Variants in ADGRL2 observed in about 807,000 individuals in gnomAD.
ADGRL2 encodes the protein adhesion G protein-coupled receptor L2.
In ADGRL2, 44 loss-of-function variants were observed where a neutral mutation model predicts 157.4. The observed-to-expected ratio is 0.28, with a 90% CI of 0.22 to 0.36. The LOEUF (loss-of-function observed/expected upper bound fraction) is 0.36, where lower values mean the gene tolerates loss of function less well. Among genes scored for constraint, ADGRL2 ranks in the 10% least tolerant of loss-of-function variants. The pLI is 1.00. For missense variants in ADGRL2, 1,510 were observed against 1,768.9 expected (o/e 0.85, Z 2.63); for synonymous variants, 585 against 624.7 (o/e 0.94, Z 0.95).
chr1:81,601,715 C>T (rs186241564), intron 3 of ADGRL2, among the ~76,000 whole-genome samples: 5 of 152,284 alleles, frequency 3.3e-5, no homozygotes, highest in East Asian at 1.9e-4. Flanking sequence ...CAGTTAATAA[C>T]GTCCTCCACA....
rs555401644 is a variant in ADGRL2, at chr1:81,854,493, G to T, written c.73+17436G>T. On this transcript the variant is annotated intron_variant, in intron 2 of 23. Transcript: ENST00000686636. ...AACCTGTACAAGTTATTTAACTTGG[G>T]TTTTCTTGCTTATTATAAAATTGGG... Among the ~76,000 whole-genome samples the T allele has an allele frequency of 1.6e-3, 248 of 152,176 alleles. 1 individual carries two copies. The highest frequency in any genetic ancestry group is 5.5e-3 in the African/African-American group (227 of 41,534).
chr1:81,729,644 C>A (rs1570986006), intron 1 of ADGRL2, among the ~76,000 whole-genome samples: 1 of 152,196 alleles, frequency 6.6e-6, no homozygotes, highest in East Asian at 1.9e-4. Context: ...CAATTCAAGT[C>A]TATTATGGAA....
intron 2 of ADGRL2, among the ~76,000 whole-genome samples, chr1:81,482,542 G>A (rs917758283): frequency 9.2e-5 from 14 of 152,118 alleles, no homozygotes; most frequent in Non-Finnish European, 2.1e-4. Flanking sequence ...AATTAGTGAT[G>A]TATACTAATT....
chr1:81,813,789 T>C (rs1270798643), intron 1 of ADGRL2, among the ~76,000 whole-genome samples: 2 of 151,672 alleles, frequency 1.3e-5, no homozygotes, highest in Non-Finnish European at 3.0e-5. Flanking sequence ...GATCTGATGT[T>C]ATAGTTCATT....
chr1:81,375,410 C>A (rs1356193876), intron 1 of ADGRL2, among the ~76,000 whole-genome samples: 3 of 152,110 alleles, frequency 2.0e-5, no homozygotes, highest in Admixed American at 2.0e-4. Context: ...CAAACAGCAG[C>A]AAGATGGATC....
intron 16 of ADGRL2, 65 bp downstream of exon 16, chr1:81,970,599 CAGTG>C: frequency 5.2e-6 from 6 of 1,164,992 alleles, no homozygotes; most frequent in Non-Finnish European, 7.6e-6. Flanking sequence ...TGTTAGCTGT[CAGTG>C]AGGGTCCCTG....
At chr1:81,839,788 CAT>C (rs1221047557) in intron 2 of ADGRL2, among the ~76,000 whole-genome samples, 28 of 142,318 alleles carry the variant, frequency 2.0e-4, no homozygotes, top group East Asian at 1.6e-3. Flanking sequence ...TATTTTCCAT[CAT>C]ATATATATAT....
chr1:81,447,775 T>C (rs969841427), intron 2 of ADGRL2, among the ~76,000 whole-genome samples: 1 of 152,174 alleles, frequency 6.6e-6, no homozygotes, highest in Non-Finnish European at 1.5e-5. Flanking sequence ...ATGCCTCTCA[T>C]ATGGTTTGTA....
intron 1 of ADGRL2, among the ~76,000 whole-genome samples, chr1:81,708,846 G>A (rs935392297): frequency 6.6e-5 from 10 of 151,932 alleles, no homozygotes; most frequent in African/African-American, 1.9e-4. Flanking sequence ...AAACTCTAAA[G>A]TTCTTAGGGA....
intron 3 of ADGRL2, among the ~76,000 whole-genome samples, chr1:81,623,158 G>A (rs1439080951): frequency 6.6e-6 from 1 of 152,174 alleles, no homozygotes; most frequent in Non-Finnish European, 1.5e-5. Flanking sequence ...CATACTTTGA[G>A]TAGGAAGAGA....
At chr1:81,343,061 T>C (rs1336020893) in intron 1 of ADGRL2, among the ~76,000 whole-genome samples, 1 of 150,540 alleles carries the variant, frequency 6.6e-6, no homozygotes, top group African/African-American at 2.4e-5. Flanking sequence ...ATCTTTCTCT[T>C]TTTTTCTTTT....
chr1:81,575,894 C>T (rs548082476), intron 2 of ADGRL2, among the ~76,000 whole-genome samples: 1 of 152,074 alleles, frequency 6.6e-6, no homozygotes, highest in Non-Finnish European at 1.5e-5. Context: ...TTATACTACA[C>T]AGAATAGCAT....
At chr1:81,617,630 C>T (rs1046080328) in intron 3 of ADGRL2, among the ~76,000 whole-genome samples, 6 of 152,186 alleles carry the variant, frequency 3.9e-5, no homozygotes, top group Non-Finnish European at 7.3e-5. Context: ...ATCATTGATA[C>T]GGGACACACT....
At chr1:81,313,786 G>A (rs777961153) in intron 1 of ADGRL2, among the ~76,000 whole-genome samples, 7 of 152,096 alleles carry the variant, frequency 4.6e-5, no homozygotes, top group Non-Finnish European at 7.4e-5. Flanking sequence ...GGATTTTTCT[G>A]ATTTCTTTGG....
chr1:81,869,187 A>G (rs2093628277), intron 2 of ADGRL2, among the ~76,000 whole-genome samples: 1 of 152,092 alleles, frequency 6.6e-6, no homozygotes, highest in African/African-American at 2.4e-5. Context: ...GGACCAAATT[A>G]TTGTTAAGAT....
At chr1:81,966,730 C>A in intron 13 of ADGRL2, 121 bp downstream of exon 13, 1 of 785,776 alleles carries the variant, frequency 1.3e-6, no homozygotes, top group Non-Finnish European at 2.1e-6. Context: ...AAAGACAAGA[C>A]CTTTCCATTT....
chr1:81,842,486 T>G (rs1468391960), intron 2 of ADGRL2, among the ~76,000 whole-genome samples: 1 of 149,970 alleles, frequency 6.7e-6, no homozygotes, highest in Non-Finnish European at 1.5e-5. Flanking sequence ...GCCTCCCAAG[T>G]AGCTGGGATT....
chr1:81,376,358 T>G (rs545596137), intron 1 of ADGRL2, among the ~76,000 whole-genome samples: 1 of 152,196 alleles, frequency 6.6e-6, no homozygotes, highest in African/African-American at 2.4e-5. Flanking sequence ...GGCCTGGTAT[T>G]TTGGGAACTT....
At position 81,825,653 on chromosome 1, in the gene ADGRL2, T is replaced by C. The variant is rs543250545; in HGVS notation, c.-100-11232T>C. On this transcript the variant is annotated intron_variant, in intron 1 of 23. Coordinates refer to ENST00000686636, the MANE Select transcript of ADGRL2 (RefSeq NM_001366006.2). ...AGTCACCGCACCTGGCCAGACCCTG[T>C]CTCCAAAAAAAAAAAAAAAAAAAAG... Among the ~76,000 whole-genome samples, 8 of 85,034 alleles carry C rather than the reference T, an allele frequency of 9.4e-5. 1 individual carries two copies. The East Asian group carries it at 1.5e-3, about 16-fold the overall frequency. The allele number at this position is 85,034 out of a possible 152,430, so 55.8% of individuals were successfully genotyped here. A position where few individuals can be genotyped will look rare whatever the true frequency, so the allele number is the denominator to read the frequency against.
Sources: allele counts gnomAD v4.1 joint callset (sites outside exome capture counted in the v4.1 genomes callset), GRCh38; gene constraint gnomAD v4.1.1; transcripts MANE v1.5; gene names NCBI Gene and HGNC (gene_info 2026-07-23, HGNC 2026-07-21).